The following RARB variants were observed in gnomAD, a reference collection of about 807,000 sequenced individuals.
The protein encoded by RARB is retinoic acid receptor beta.
RARB carries 17 observed loss-of-function variants against 51.9 expected under a neutral mutation model. The observed-to-expected ratio is 0.33, with a 90% CI of 0.22 to 0.49. The LOEUF (loss-of-function observed/expected upper bound fraction) is 0.49, where lower values mean the gene tolerates loss of function less well. RARB is among the 20% of genes least tolerant of loss of function. The pLI is 0.99. For missense variants in RARB, 369 were observed against 550.8 expected (o/e 0.67, Z 3.30); for synonymous variants, 215 against 195.4 (o/e 1.10, Z -0.84).
At chr3:25,052,902 T>C (rs1270337797) in intron 2 of RARB, among the ~76,000 whole-genome samples, 1 of 151,822 alleles carries the variant, frequency 6.6e-6, no homozygotes, top group African/African-American at 2.4e-5. Context: ...AAAAAAAAGA[T>C]TCTAGATTGT....
At chr3:25,550,414 C>T (rs1387295960) in intron 3 of RARB, among the ~76,000 whole-genome samples, 1 of 152,034 alleles carries the variant, frequency 6.6e-6, no homozygotes, top group Non-Finnish European at 1.5e-5. Context: ...CAGGAGATGC[C>T]TAGTGAGGTC....
intron 2 of RARB, among the ~76,000 whole-genome samples, chr3:24,860,515 T>C (rs1384076130): frequency 6.6e-6 from 1 of 152,180 alleles, no homozygotes; most frequent in African/African-American, 2.4e-5. Context: ...ACCATAGCTA[T>C]TCCTCAGTGT....
intron 4 of RARB, among the ~76,000 whole-genome samples, chr3:25,135,818 C>T (rs987505706): frequency 6.6e-6 from 1 of 151,802 alleles, no homozygotes; most frequent in African/African-American, 2.4e-5. Flanking sequence ...GCACCATGCA[C>T]CAAGGCAAAA....
intron 2 of RARB, among the ~76,000 whole-genome samples, chr3:25,050,401 T>G (rs974550065): frequency 2.0e-5 from 3 of 152,132 alleles, no homozygotes; most frequent in Admixed American, 1.3e-4. Flanking sequence ...ATACTTCTAA[T>G]TAAATCTTTA....
At position 25,524,456 on chromosome 3, in the gene RARB, C is replaced by A. The variant is rs146135606; in HGVS notation, c.448+23133C>A. Among the ~76,000 whole-genome samples the A allele has an allele frequency of 2.1e-3, 315 of 152,272 alleles. 1 individual carries two copies. Among genetic ancestry groups the A allele is most frequent in the African/African-American group, 6.9e-3 (286 of 41,562 alleles). On this transcript the variant is annotated intron_variant, in intron 3 of 7. Coordinates refer to ENST00000330688, the MANE Select transcript of RARB (RefSeq NM_000965.5). Reference sequence around the variant, plus strand: ...GGTTAGATTTGCAAAGTACCAGCAGCCCCACTGGAACCACCATCTTCTCCA... The same window carrying A: ...GGTTAGATTTGCAAAGTACCAGCAGACCCACTGGAACCACCATCTTCTCCA...
At chr3:24,994,982 T>C (rs1169492924) in intron 2 of RARB, among the ~76,000 whole-genome samples, 5 of 152,124 alleles carry the variant, frequency 3.3e-5, no homozygotes. Flanking sequence ...GACTCCTTTG[T>C]GGTTCCATAG....
At chr3:24,980,504 T>A (rs1181317517) in intron 2 of RARB, among the ~76,000 whole-genome samples, 2 of 152,210 alleles carry the variant, frequency 1.3e-5, no homozygotes, top group Non-Finnish European at 2.9e-5. Context: ...TCACTTTATT[T>A]AATTTGATCT....
chr3:25,470,188 A>AT (rs1162059122), intron 2 of RARB, among the ~76,000 whole-genome samples: 2 of 152,208 alleles, frequency 1.3e-5, no homozygotes, highest in Non-Finnish European at 2.9e-5. Flanking sequence ...GCCTAATTAG[A>AT]TAAGCTAGTA....
At chr3:25,475,956 T>G (rs556245334) in intron 2 of RARB, among the ~76,000 whole-genome samples, 1 of 152,244 alleles carries the variant, frequency 6.6e-6, no homozygotes, top group Non-Finnish European at 1.5e-5. Flanking sequence ...ACTCACACCA[T>G]GTGTCCATTT....
intron 2 of RARB, among the ~76,000 whole-genome samples, chr3:24,908,194 T>G (rs1341386270): frequency 6.6e-6 from 1 of 152,218 alleles, no homozygotes; most frequent in Admixed American, 6.5e-5. Context: ...AGATATTTGG[T>G]CTCCTAGAGG....
intron 5 of RARB, chr3:25,345,815 A>G: frequency 1.7e-6 from 1 of 573,648 alleles, no homozygotes. Flanking sequence ...AATGAACTGT[A>G]TCAGTTAATT....
intron 2 of RARB, among the ~76,000 whole-genome samples, chr3:25,041,514 T>C (rs115764160): frequency 3.3e-5 from 5 of 151,042 alleles, no homozygotes; most frequent in Non-Finnish European, 7.4e-5. Context: ...TTAGGGAACA[T>C]AGTTGAGAGG....
intron 2 of RARB, among the ~76,000 whole-genome samples, chr3:24,965,457 A>C (rs1292906740): frequency 6.6e-6 from 1 of 152,190 alleles, no homozygotes; most frequent in Non-Finnish European, 1.5e-5. Flanking sequence ...GGTAAAGCTA[A>C]AAGAAGAATA....
chr3:24,881,220 T>C (rs1317502935), intron 2 of RARB, among the ~76,000 whole-genome samples: 1 of 152,260 alleles, frequency 6.6e-6, no homozygotes, highest in African/African-American at 2.4e-5. Context: ...TCCCCAGCCA[T>C]GCAGAACTGT....
At chr3:25,002,711 CTATA>C (rs969490901) in intron 2 of RARB, among the ~76,000 whole-genome samples, 3 of 150,146 alleles carry the variant, frequency 2.0e-5, no homozygotes, top group African/African-American at 7.4e-5. Context: ...ACACATAAAT[CTATA>C]TATGTGTCAC....
intron 5 of RARB, among the ~76,000 whole-genome samples, chr3:25,282,628 G>A (rs1369821686): frequency 1.3e-5 from 2 of 152,138 alleles, no homozygotes; most frequent in African/African-American, 4.8e-5. Context: ...ATAAATATTT[G>A]CTGAGTGGAT....
At chr3:25,106,451 G>GTGTGTGTTTTTT (rs1699503553) in intron 3 of RARB, among the ~76,000 whole-genome samples, 2 of 70,534 alleles carry the variant, frequency 2.8e-5, no homozygotes, top group South Asian at 1.1e-3. Context: ...ACTGTTTTTT[G>GTGTGTGTTTTTT]TTTTTTGTTT....
chr3:24,907,867 A>G (rs112663337), intron 2 of RARB, among the ~76,000 whole-genome samples: 4 of 152,138 alleles, frequency 2.6e-5, no homozygotes, highest in South Asian at 2.1e-4. Flanking sequence ...CTAGTAAGCA[A>G]TATTAACCAC....
At chr3:25,569,710 AGGCCCAGCCTTCAGC>A in intron 3 of RARB, 33 bp from the exon 4 acceptor site, 1 of 1,579,138 alleles carries the variant, frequency 6.3e-7, no homozygotes. Context: ...TCAGGAGCAC[AGGCCCAGCCTTCAGC>A]GACCCCTGAT....
Sources: allele counts gnomAD v4.1 joint callset (sites outside exome capture counted in the v4.1 genomes callset), GRCh38; gene constraint gnomAD v4.1.1; transcripts MANE v1.5; gene names NCBI Gene and HGNC (gene_info 2026-07-23, HGNC 2026-07-21).